DISC1: variants seen among roughly 807,000 people sequenced by gnomAD.
DISC1 encodes DISC1 scaffold protein, also known as disrupted in schizophrenia 1 protein.
A neutral mutation model predicts 84.5 loss-of-function variants in DISC1; 57 were observed. The ratio of observed to expected loss-of-function variants is 0.67; its 90% CI spans 0.55 to 0.84. The LOEUF is 0.84. DISC1 is among the 40% of genes least tolerant of loss of function. The pLI, the probability that DISC1 is intolerant of heterozygous loss-of-function variation, is 0.00. For missense variants in DISC1, 1,000 were observed against 1,057.8 expected, an observed-to-expected ratio of 0.95 and a Z score of 0.76; for synonymous variants, 411 against 415.2, an observed-to-expected ratio of 0.99 and a Z score of 0.12.
chr1:231,861,747 CT>C (rs2084669275), intron 9 of DISC1, among the ~76,000 whole-genome samples: 1 of 152,100 alleles, frequency 6.6e-6, no homozygotes, highest in African/African-American at 2.4e-5. Flanking sequence ...ATTTTCATCT[CT>C]TAGTATGCTC....
At chr1:231,703,376 G>A (rs2066647166) in intron 3 of DISC1, among the ~76,000 whole-genome samples, 1 of 152,220 alleles carries the variant, frequency 6.6e-6, no homozygotes, top group South Asian at 2.1e-4. Context: ...GGGCACAGCT[G>A]TAGGCAGGGA....
intron 6 of DISC1, among the ~76,000 whole-genome samples, chr1:231,773,389 TG>T (rs1444027917): frequency 2.6e-5 from 4 of 152,158 alleles, no homozygotes; most frequent in Admixed American, 6.5e-5. Flanking sequence ...TTTGTTTGTT[TG>T]TTTGTATGTT....
At chr1:232,019,556 T>G (rs1469689745) in intron 11 of DISC1, among the ~76,000 whole-genome samples, 1 of 152,182 alleles carries the variant, frequency 6.6e-6, no homozygotes, top group Non-Finnish European at 1.5e-5. Context: ...AGTATCAGTC[T>G]TGCAGGCTTT....
chr1:231,966,967 CT>C (rs1302347676), intron 10 of DISC1, among the ~76,000 whole-genome samples: 2 of 152,216 alleles, frequency 1.3e-5, no homozygotes, highest in Non-Finnish European at 2.9e-5. Context: ...GGAGGCCCTT[CT>C]TAGCTTTAGA....
intron 3 of DISC1, among the ~76,000 whole-genome samples, chr1:231,739,004 C>T (rs1479160179): frequency 6.6e-6 from 1 of 152,182 alleles, no homozygotes; most frequent in East Asian, 1.9e-4. Flanking sequence ...CCATTTCTCC[C>T]AGGAGCTCTG....
chr1:231,922,971 T>C (rs1005830952), intron 9 of DISC1, among the ~76,000 whole-genome samples: 2 of 152,008 alleles, frequency 1.3e-5, no homozygotes, highest in Non-Finnish European at 2.9e-5. Context: ...TTAACATACC[T>C]ATACTGATTC....
intron 9 of DISC1, among the ~76,000 whole-genome samples, chr1:231,842,195 ATC>A (rs1193343173): frequency 6.6e-6 from 1 of 151,782 alleles, no homozygotes; most frequent in Non-Finnish European, 1.5e-5. Flanking sequence ...TAGAGATAGG[ATC>A]TCTCTCTGTT....
chr1:231,644,236 C>T (rs1291889517), intron 1 of DISC1, among the ~76,000 whole-genome samples: 1 of 152,200 alleles, frequency 6.6e-6, no homozygotes, highest in African/African-American at 2.4e-5. Flanking sequence ...CTATAACCCC[C>T]ACCCTGCCCA....
intron 3 of DISC1, among the ~76,000 whole-genome samples, chr1:231,713,794 GATATATATATATAGGAGAT>G (rs2068267421): frequency 7.4e-6 from 1 of 134,978 alleles, no homozygotes; most frequent in African/African-American, 2.8e-5. Context: ...ATATATAGGA[GATATATATATATAGGAGAT>G]ATATATATAG....
chr1:231,912,765 CTTTCTTTCTTT>C (rs2089322578), intron 9 of DISC1, among the ~76,000 whole-genome samples: 1 of 142,338 alleles, frequency 7.0e-6, no homozygotes, highest in African/African-American at 2.6e-5. Flanking sequence ...TTCTTTCTTT[CTTTCTTTCTTT>C]CTTTCTTTCT....
At chr1:231,889,738 C>T (rs145753097) in intron 9 of DISC1, among the ~76,000 whole-genome samples, 2 of 152,150 alleles carry the variant, frequency 1.3e-5, no homozygotes, top group Non-Finnish European at 2.9e-5. Flanking sequence ...ACAGTTCTCC[C>T]CCTCTTTTTT....
chr1:231,776,576 G>A (rs2076981124), intron 6 of DISC1, among the ~76,000 whole-genome samples: 1 of 152,166 alleles, frequency 6.6e-6, no homozygotes, highest in South Asian at 2.1e-4. Context: ...CATGCCCCCA[G>A]CCACTAGCTA....
intron 8 of DISC1, among the ~76,000 whole-genome samples, chr1:231,800,865 C>G (rs763467960): frequency 6.6e-6 from 1 of 151,058 alleles, no homozygotes; most frequent in Non-Finnish European, 1.5e-5. Flanking sequence ...TAAGGTCACT[C>G]AATTAGCTAA....
At chr1:231,757,337 C>T (rs1376009668) in intron 4 of DISC1, among the ~76,000 whole-genome samples, 3 of 152,096 alleles carry the variant, frequency 2.0e-5, no homozygotes, top group Admixed American at 6.5e-5. Flanking sequence ...GTCTTTGGTT[C>T]CCAGGTTAAT....
intron 4 of DISC1, among the ~76,000 whole-genome samples, chr1:231,751,558 A>G (rs2074605481): frequency 6.6e-6 from 1 of 152,186 alleles, no homozygotes; most frequent in Admixed American, 6.5e-5. Flanking sequence ...AATCATCACC[A>G]CCATTCATCT....
chr1:231,985,289 G>A (rs1161741105), intron 10 of DISC1, among the ~76,000 whole-genome samples: 1 of 145,042 alleles, frequency 6.9e-6, no homozygotes, highest in East Asian at 2.0e-4. Context: ...TTGTGCCATT[G>A]CACTCCAACC....
rs1430456960 is a variant in DISC1, at chr1:231,900,275, A to G, written c.1982-58553A>G. On this transcript the variant is annotated intron_variant, in intron 9 of 12. Coordinates refer to ENST00000439617, the MANE Select transcript of DISC1 (RefSeq NM_018662.3). Reference sequence around the variant, plus strand: ...TCTTTGTCCATCTGCAAGCTAGCGCACATTCCCCGTTCATGGAAAAATACC... The same window carrying G: ...TCTTTGTCCATCTGCAAGCTAGCGCGCATTCCCCGTTCATGGAAAAATACC... 7.9e-5 allele frequency among the ~76,000 whole-genome samples: 12 copies of G among 152,320 alleles called. No individual in the cohort carries two copies. The East Asian group carries it at 2.3e-3, about 29-fold the overall frequency.
intron 9 of DISC1, among the ~76,000 whole-genome samples, chr1:231,837,443 G>T (rs1319108433): frequency 2.0e-5 from 3 of 152,166 alleles, no homozygotes; most frequent in Non-Finnish European, 4.4e-5. Context: ...GGGCATAGAA[G>T]TTTCTAAAGC....
intron 3 of DISC1, among the ~76,000 whole-genome samples, chr1:231,709,684 T>C (rs1295474125): frequency 6.6e-6 from 1 of 152,152 alleles, no homozygotes; most frequent in South Asian, 2.1e-4. Flanking sequence ...AAAGAATTTT[T>C]TTTCTCTCCT....
Sources: gnomAD v4.1 joint callset for allele counts (sites outside exome capture counted in the v4.1 genomes callset) on GRCh38, gnomAD v4.1.1 for gene constraint, MANE v1.5 for transcripts, NCBI Gene and HGNC (gene_info 2026-07-23, HGNC 2026-07-21) for gene names.